PTH1R: variants seen among roughly 807,000 people sequenced by gnomAD.
The protein encoded by PTH1R is parathyroid hormone/parathyroid hormone-related peptide receptor.
PTH1R carries 32 observed loss-of-function variants against 70.7 expected under a neutral mutation model. The ratio of observed to expected loss-of-function variants is 0.45; its 90% CI spans 0.34 to 0.61. PTH1R has a LOEUF of 0.61. PTH1R is among the 20% of genes least tolerant of loss of function. The pLI, the probability that PTH1R is intolerant of heterozygous loss-of-function variation, is 0.01. For missense variants in PTH1R, 626 were observed against 792.5 expected, an observed-to-expected ratio of 0.79 and a Z score of 2.52; for synonymous variants, 329 against 324.8, an observed-to-expected ratio of 1.01 and a Z score of -0.14.
chr3:46,892,670 T>A lies in PTH1R; in HGVS notation c.76-1237T>A. ...GCCCCTCTCGCCGGTGCCCGCCCCA[T>A]GCCCGACCCGCCTTCTTCCTCCCCT... On this transcript the variant is annotated intron_variant, in intron 3 of 15. Transcript: ENST00000449590. This position sits in a 1 kb window ranked among gnomAD's most constrained non-coding sequence, Gnocchi z 5.2. 6.5e-5 allele frequency: 49 copies of A among 755,086 alleles called. No individual in the cohort carries two copies. The highest frequency in any genetic ancestry group is 5.3e-4 in the Middle Eastern group (1 of 1,892). The allele number at this position is 755,086 out of a possible 1,614,324, so 46.8% of individuals were successfully genotyped here. A position where few individuals can be genotyped will look rare whatever the true frequency, so the allele number is the denominator to read the frequency against.
At chr3:46,888,534 T>TG (rs1047802498) in intron 3 of PTH1R, among the ~76,000 whole-genome samples, 23 of 152,020 alleles carry the variant, frequency 1.5e-4, no homozygotes, top group African/African-American at 5.3e-4. Context: ...AAAGAAAAGG[T>TG]GGGGCGAGGG....
chr3:46,896,979 G>A lies in PTH1R; in HGVS notation c.314-876G>A, dbSNP rs1328401607. Among the ~76,000 whole-genome samples the A allele has an allele frequency of 6.6e-6, 1 of 152,200 alleles. No homozygotes were observed. The highest frequency in any genetic ancestry group is 1.5e-5 in the Non-Finnish European group (1 of 68,038). On this transcript the variant is annotated intron_variant, in intron 5 of 15. Transcript: ENST00000449590. This position sits in a 1 kb window ranked among gnomAD's most constrained non-coding sequence, Gnocchi z 4.1. Reference sequence around the variant, plus strand: ...GTGGTTAATCCCAACTTCCCAATGAGGAAATGGAAATAGAAAGACTTGGGA... The same window carrying A: ...GTGGTTAATCCCAACTTCCCAATGAAGAAATGGAAATAGAAAGACTTGGGA...
intron 9 of PTH1R, among the ~76,000 whole-genome samples, chr3:46,899,083 C>T (rs1006338511): frequency 7.2e-5 from 11 of 152,232 alleles, no homozygotes; most frequent in Non-Finnish European, 8.8e-5. Context: ...CATCAAGGCT[C>T]CTACCTCAAC....
intron 10 of PTH1R, among the ~76,000 whole-genome samples, chr3:46,900,794 G>A (rs1225093259): frequency 6.6e-6 from 1 of 152,152 alleles, no homozygotes; most frequent in African/African-American, 2.4e-5. Flanking sequence ...ATATGACATG[G>A]AGCCAAGATG....
intron 5 of PTH1R, among the ~76,000 whole-genome samples, chr3:46,897,639 G>A (rs990312819): frequency 1.3e-5 from 2 of 152,218 alleles, no homozygotes; most frequent in African/African-American, 4.8e-5. Flanking sequence ...GCTGAGGCAG[G>A]AGAATCGCTT....
intron 4 of PTH1R, among the ~76,000 whole-genome samples, 193 bp downstream of exon 4, chr3:46,894,202 G>A (rs1026071794): frequency 6.6e-6 from 1 of 152,114 alleles, no homozygotes; most frequent in African/African-American, 2.4e-5. Flanking sequence ...GGGCATCCAT[G>A]GCTTGTCCTA....
chr3:46,881,890 T>C (rs2030595673), intron 2 of PTH1R, among the ~76,000 whole-genome samples: 1 of 151,532 alleles, frequency 6.6e-6, no homozygotes, highest in African/African-American at 2.4e-5. Context: ...GATTCGCCCA[T>C]GATGAAAGAG....
intron 5 of PTH1R, among the ~76,000 whole-genome samples, chr3:46,897,385 C>T (rs1474222715): frequency 6.6e-6 from 1 of 152,218 alleles, no homozygotes; most frequent in Non-Finnish European, 1.5e-5. Context: ...CTCCAGAGTG[C>T]TCCAAAGCCT....
chr3:46,886,169 C>T (rs770223282), intron 3 of PTH1R, among the ~76,000 whole-genome samples: 33 of 152,192 alleles, frequency 2.2e-4, no homozygotes, highest in African/African-American at 7.5e-4. Context: ...CTCCTAAGGA[C>T]CCCCCCAGCA....
At position 46,898,081 on chromosome 3, in the gene PTH1R, C is replaced by G. The variant is rs1185103892; in HGVS notation, c.432C>G (p.Ala144=). 1.2e-6 allele frequency: 2 copies of G among 1,614,108 alleles called. No individual in the cohort carries two copies. Among genetic ancestry groups the G allele is most frequent in the African/African-American group, 2.7e-5 (2 of 74,948 alleles). ...YIYDFNHKGH[A]YRRCDRNGSW... ...CCTCCCATGGACCTGCAGGCCATGC[C>G]TACCGACGCTGTGACCGCAATGGCA... The change falls in exon 7 of 16, where the codon GCC becomes GCG. Residue 144 remains alanine, a synonymous_variant. Coordinates refer to ENST00000449590, the MANE Select transcript of PTH1R (RefSeq NM_000316.3).
chr3:46,887,099 G>A (rs941887491), intron 3 of PTH1R, among the ~76,000 whole-genome samples: 4 of 151,934 alleles, frequency 2.6e-5, no homozygotes, highest in South Asian at 4.1e-4. Flanking sequence ...AATTAGCCAC[G>A]CGTGGTGGTA....
At chr3:46,898,902 T>C in intron 9 of PTH1R, 45 bp downstream of exon 9, 1 of 1,370,868 alleles carries the variant, frequency 7.3e-7, no homozygotes. Flanking sequence ...GCCACTGGCC[T>C]CGTGGGGCCC....
In PTH1R at chr3:46,901,788, A is replaced by T; in HGVS notation, c.1139A>T (p.Asn380Ile). ...CAGCTCAACTTCATCCTCTTCATCA[A>T]TATCGTCCGGGTGCTCGCCACCAAG... ...SIVLNFILFI[N>I]IVRVLATKLR... Residue 380 changes from asparagine to isoleucine, a missense_variant, in exon 13 of 16, where the codon AAT (asparagine) becomes ATT (isoleucine). By Grantham distance (149) the Asn-to-Ile change is moderately radical (BLOSUM62 -3). Around this residue, in one of 3 missense-constraint regions of PTH1R, gnomAD observed 495 missense variants for 638.7 expected, o/e 0.77. Coordinates refer to ENST00000449590, the MANE Select transcript of PTH1R (RefSeq NM_000316.3). This position sits in a 1 kb window ranked among gnomAD's most constrained non-coding sequence, Gnocchi z 7.3. The T allele has an allele frequency of 6.2e-7, 1 of 1,613,978 alleles. No individual in the cohort carries two copies.
At position 46,901,075 on chromosome 3, in the gene PTH1R, G is replaced by C. The variant is rs752333346; in HGVS notation, c.1039G>C (p.Ala347Pro). The C allele has an allele frequency of 3.2e-6, 5 of 1,578,458 alleles. No homozygotes were observed. Among genetic ancestry groups the C allele is most frequent in the Non-Finnish European group, 4.3e-6 (5 of 1,160,822 alleles). ...AVWVSVRATL[A>P]NTGCWDLSSG... ...GTGGGTCAGTGTCAGAGCTACCCTG[G>C]CCAACACCGGGTAGGTCCAGGTGGA... Residue 347 changes from alanine to proline, a missense_variant, in exon 11 of 16, where the codon GCC (alanine) becomes CCC (proline). By Grantham distance (27) the Ala-to-Pro change is conservative. Transcript: ENST00000449590. This position sits in a 1 kb window ranked among gnomAD's most constrained non-coding sequence, Gnocchi z 7.3.
At chr3:46,885,588 G>C (rs1216703561) in intron 3 of PTH1R, among the ~76,000 whole-genome samples, 2 of 152,194 alleles carry the variant, frequency 1.3e-5, no homozygotes, top group Non-Finnish European at 2.9e-5. Context: ...TATATGCAGA[G>C]AATCTTCCTG....
Position 46,891,347 on chromosome 3 carries a change from G to A in PTH1R, c.76-2560G>A, listed in dbSNP as rs996145905. 2.0e-5 allele frequency among the ~76,000 whole-genome samples: 3 copies of A among 152,218 alleles called. No individual in the cohort carries two copies. The highest frequency in any genetic ancestry group is 1.9e-4 in the East Asian group (1 of 5,190). The stretch of plus-strand genomic sequence containing the variant: ...GTGAGGGGTGTGTTGGTCAGCTTTC[G>A]GTGGTCAGGCTGCCCAATGGCCACT... On this transcript the variant is annotated intron_variant, in intron 3 of 15. Coordinates refer to ENST00000449590, the MANE Select transcript of PTH1R (RefSeq NM_000316.3). The surrounding 1 kb of genome is among the most constrained non-coding windows in gnomAD (Gnocchi z 4.3).
In PTH1R at chr3:46,892,643, C is replaced by A; in HGVS notation, c.76-1264C>A. ...AGCCAGGCTCTCTGACCCGGCCTGC[C>A]CGCCCCTCTCGCCGGTGCCCGCCCC... is the stretch of plus-strand genomic sequence containing the variant. On this transcript the variant is annotated intron_variant, in intron 3 of 15. Transcript: ENST00000449590. The surrounding 1 kb of genome is among the most constrained non-coding windows in gnomAD (Gnocchi z 5.2). 11 of 726,700 alleles carry A rather than the reference C, an allele frequency of 1.5e-5. No homozygotes were observed. Among genetic ancestry groups the A allele is most frequent in the Non-Finnish European group, 1.9e-5 (11 of 592,144 alleles). The allele number at this position is 726,700 out of a possible 1,614,324, so 45.0% of individuals were successfully genotyped here.
In PTH1R at chr3:46,902,613, A is replaced by T; in HGVS notation, c.1299A>T (p.Ser433=). ...TGGCCACACCATACACCGAGGTCTC[A>T]GGGACGCTCTGGCAAGTCCAGATGC... The part of the protein sequence containing the change: ...VFMATPYTEV[S]GTLWQVQMHY... The change falls in exon 14 of 16, where the codon TCA becomes TCT. Residue 433 remains serine (S), a synonymous_variant. Transcript: ENST00000449590. This position sits in a 1 kb window ranked among gnomAD's most constrained non-coding sequence, Gnocchi z 5.4. 6.2e-7 allele frequency: 1 copy of T among 1,613,980 alleles called. No homozygotes were observed. Among genetic ancestry groups the T allele is most frequent in the Non-Finnish European group, 8.5e-7 (1 of 1,180,024 alleles).
At chr3:46,890,546 C>T (rs1269001860) in intron 3 of PTH1R, among the ~76,000 whole-genome samples, 1 of 142,842 alleles carries the variant, frequency 7.0e-6, no homozygotes, top group Admixed American at 7.3e-5. Flanking sequence ...TCTTGTTGCC[C>T]AGGCTAGAGT....
Sources: gnomAD v4.1 joint callset for allele counts (sites outside exome capture counted in the v4.1 genomes callset) on GRCh38, gnomAD v4.1.1 for gene constraint, gnomAD v4.1.1 regional missense constraint, Gnocchi (gnomAD v3.1) non-coding constraint, MANE v1.5 for transcripts, NCBI Gene and HGNC (gene_info 2026-07-23, HGNC 2026-07-21) for gene names.